Variants in ADAMTS6 observed in about 807,000 individuals in gnomAD.
ADAMTS6 encodes the protein ADAM metallopeptidase with thrombospondin type 1 motif 6.
A neutral mutation model predicts 144.3 loss-of-function variants in ADAMTS6; 23 were observed. That is an observed-to-expected ratio of 0.16 (90% CI 0.11 to 0.23). The LOEUF (loss-of-function observed/expected upper bound fraction) is 0.23. ADAMTS6 is among the 10% of genes least tolerant of loss of function. ADAMTS6 has a pLI of 1.00. For missense variants in ADAMTS6, 999 were observed against 1,379.6 expected, an observed-to-expected ratio of 0.72 and a Z score of 4.37; for synonymous variants, 444 against 457.5, an observed-to-expected ratio of 0.97 and a Z score of 0.38.
rs989285661 is a variant in ADAMTS6, at chr5:65,373,149, A to C, written c.1074-39064T>G. ...TTATAGCACTAAATGCCCACAAGAG[A>C]AAGCAGGAAAGATCCAAAATTGACA... On this transcript the variant is annotated intron_variant, in intron 7 of 24. Coordinates refer to ENST00000381055, the MANE Select transcript of ADAMTS6 (RefSeq NM_197941.4). 1.8e-3 allele frequency among the ~76,000 whole-genome samples: 278 copies of C among 151,054 alleles called. 1 individual carries two copies. Among genetic ancestry groups the C allele is most frequent in the African/African-American group, 6.6e-3 (271 of 41,186 alleles).
chr5:65,292,620 A>G (rs1231589892), intron 10 of ADAMTS6, among the ~76,000 whole-genome samples: 2 of 152,176 alleles, frequency 1.3e-5, no homozygotes, highest in African/African-American at 2.4e-5. Flanking sequence ...GCAGCAAATT[A>G]ATACCTTTTA....
intron 19 of ADAMTS6, 134 bp downstream of exon 19, chr5:65,215,190 C>T: frequency 8.7e-7 from 1 of 1,147,150 alleles, no homozygotes; most frequent in Non-Finnish European, 1.2e-6. Flanking sequence ...GCTCTAACAC[C>T]CTTGGGTAAA....
At chr5:65,459,519 T>A (rs1015137157) in intron 4 of ADAMTS6, among the ~76,000 whole-genome samples, 2 of 152,222 alleles carry the variant, frequency 1.3e-5, no homozygotes, top group Non-Finnish European at 2.9e-5. Context: ...TGTCAATTTA[T>A]AAAACATGTC....
At chr5:65,393,795 G>C (rs1753113526) in intron 7 of ADAMTS6, among the ~76,000 whole-genome samples, 1 of 152,176 alleles carries the variant, frequency 6.6e-6, no homozygotes, top group Non-Finnish European at 1.5e-5. Context: ...CATTGTATGT[G>C]TAAAACAATC....
At chr5:65,289,668 T>C (rs1041698947) in intron 11 of ADAMTS6, among the ~76,000 whole-genome samples, 2 of 152,220 alleles carry the variant, frequency 1.3e-5, no homozygotes, top group Non-Finnish European at 2.9e-5. Context: ...CAAATTTTTA[T>C]TAATTTATTT....
At chr5:65,272,769 A>T in intron 12 of ADAMTS6, among the ~76,000 whole-genome samples, 1 of 151,730 alleles carries the variant, frequency 6.6e-6, no homozygotes, top group East Asian at 1.9e-4. Context: ...AAAAATACAA[A>T]AATTAGCTGG....
intron 7 of ADAMTS6, among the ~76,000 whole-genome samples, chr5:65,351,041 T>A (rs1748805284): frequency 6.6e-6 from 1 of 152,220 alleles, no homozygotes; most frequent in Admixed American, 6.5e-5. Context: ...CCTACTATAT[T>A]TCATAATTCT....
intron 24 of ADAMTS6, among the ~76,000 whole-genome samples, chr5:65,170,370 C>G (rs796143851): frequency 1.8e-4 from 27 of 152,244 alleles, no homozygotes; most frequent in African/African-American, 6.5e-4. Flanking sequence ...AGATTATCTA[C>G]TCCAATTTCT....
chr5:65,429,957 C>T (rs144625902), intron 7 of ADAMTS6, among the ~76,000 whole-genome samples: 1,694 of 152,106 alleles, frequency 0.011, 10 homozygotes, highest in Non-Finnish European at 0.019. Context: ...TACCAGAATA[C>T]ACTTCATGAA....
intron 24 of ADAMTS6, among the ~76,000 whole-genome samples, chr5:65,161,233 T>A (rs373868572): frequency 0.036 from 5,447 of 152,002 alleles, 144 homozygotes; most frequent in Middle Eastern, 0.075. Flanking sequence ...AGAAGGTGTC[T>A]CCCTATGTTG....
At chr5:65,418,057 A>G (rs1755688005) in intron 7 of ADAMTS6, among the ~76,000 whole-genome samples, 2 of 152,176 alleles carry the variant, frequency 1.3e-5, no homozygotes, top group Admixed American at 1.3e-4. Context: ...GAACCTAGAA[A>G]TAAAGCTGCA....
At chr5:65,457,636 ATCT>A (rs1759310694) in intron 4 of ADAMTS6, among the ~76,000 whole-genome samples, 2 of 152,240 alleles carry the variant, frequency 1.3e-5, no homozygotes, top group South Asian at 2.1e-4. Flanking sequence ...GCAAAAGGTG[ATCT>A]TCTTTACAAT....
At chr5:65,228,618 C>T (rs1242199665) in intron 15 of ADAMTS6, among the ~76,000 whole-genome samples, 2 of 152,088 alleles carry the variant, frequency 1.3e-5, no homozygotes, top group African/African-American at 4.8e-5. Context: ...ACAGACAAAT[C>T]GAAGAGGTTT....
At chr5:65,171,059 G>T (rs890369929) in intron 23 of ADAMTS6, among the ~76,000 whole-genome samples, 1 of 151,536 alleles carries the variant, frequency 6.6e-6, no homozygotes, top group African/African-American at 2.4e-5. Flanking sequence ...GCTCAGGCTG[G>T]AGTGCAGTGG....
chr5:65,245,077 G>A (rs959475933), intron 14 of ADAMTS6, among the ~76,000 whole-genome samples: 3 of 152,072 alleles, frequency 2.0e-5, no homozygotes, highest in Non-Finnish European at 4.4e-5. Context: ...GGTAATACTC[G>A]TATTTACTTC....
At chr5:65,360,306 A>T (rs1277957065) in intron 7 of ADAMTS6, among the ~76,000 whole-genome samples, 1 of 152,200 alleles carries the variant, frequency 6.6e-6, no homozygotes, top group Non-Finnish European at 1.5e-5. Flanking sequence ...GAACGGCACT[A>T]GGAGAATTGT....
intron 3 of ADAMTS6, among the ~76,000 whole-genome samples, chr5:65,463,595 C>T (rs1191439434): frequency 6.6e-6 from 1 of 152,180 alleles, no homozygotes; most frequent in African/African-American, 2.4e-5. Flanking sequence ...CCTCCTCTTT[C>T]CTTGAGGTAT....
intron 7 of ADAMTS6, among the ~76,000 whole-genome samples, chr5:65,439,246 G>A (rs1331969507): frequency 6.6e-6 from 1 of 152,076 alleles, no homozygotes; most frequent in Non-Finnish European, 1.5e-5. Flanking sequence ...ATCATCACTG[G>A]ATGCCAAAAT....
intron 7 of ADAMTS6, among the ~76,000 whole-genome samples, chr5:65,343,341 A>T (rs1178743083): frequency 6.6e-6 from 1 of 152,114 alleles, no homozygotes; most frequent in African/African-American, 2.4e-5. Flanking sequence ...GGCATTAAAA[A>T]CAGATGTATA....
Sources: allele counts gnomAD v4.1 joint callset (sites outside exome capture counted in the v4.1 genomes callset), GRCh38; gene constraint gnomAD v4.1.1; transcripts MANE v1.5; gene names NCBI Gene and HGNC (gene_info 2026-07-23, HGNC 2026-07-21).